Variants in NELL1 observed in about 807,000 individuals in gnomAD.
NELL1 encodes neural EGFL like 1, also known as protein kinase C-binding protein NELL1.
Under a neutral mutation model 107.4 loss-of-function variants are expected in NELL1, and 76 were observed. That is an observed-to-expected ratio of 0.71 (90% CI 0.59 to 0.86). The LOEUF is 0.86. NELL1 is among the 40% of genes least tolerant of loss of function. The pLI, the probability that NELL1 is intolerant of heterozygous loss-of-function variation, is 0.00. For missense variants in NELL1, 1,024 were observed against 1,005.5 expected (o/e 1.02, Z -0.25); for synonymous variants, 353 against 341.2 (o/e 1.03, Z -0.38).
At position 21,005,138 on chromosome 11, in the gene NELL1, T is replaced by C. The variant is rs190772304; in HGVS notation, c.1300+44578T>C. Among the ~76,000 whole-genome samples, 7 of 152,316 alleles carry C rather than the reference T, an allele frequency of 4.6e-5. No homozygotes were observed. In the East Asian group the frequency reaches 1.2e-3, roughly 25 times the overall value. ...CTGTAGGCATGTCATTCTTATCAAC[T>C]TGTGTTTCATTATTATATTTACCAA... On this transcript the variant is annotated intron_variant, in intron 12 of 19. Coordinates refer to ENST00000357134, the MANE Select transcript of NELL1 (RefSeq NM_006157.5).
chr11:21,396,280 C>A (rs1481598826), intron 15 of NELL1, among the ~76,000 whole-genome samples: 6 of 151,488 alleles, frequency 4.0e-5, no homozygotes, highest in Non-Finnish European at 8.9e-5. Flanking sequence ...CTGAATTCAC[C>A]CACATTTATA....
intron 13 of NELL1, among the ~76,000 whole-genome samples, chr11:21,124,324 T>A (rs1417722097): frequency 6.6e-6 from 1 of 152,208 alleles, no homozygotes; most frequent in Non-Finnish European, 1.5e-5. Flanking sequence ...AGGGATAATG[T>A]CTTTCATCTT....
intron 13 of NELL1, among the ~76,000 whole-genome samples, chr11:21,220,898 G>A (rs943385889): frequency 1.3e-5 from 2 of 152,046 alleles, no homozygotes; most frequent in Non-Finnish European, 2.9e-5. Context: ...AGAACTTTGA[G>A]TACTATGTTG....
chr11:21,466,411 C>T (rs575175088), intron 15 of NELL1, among the ~76,000 whole-genome samples: 3 of 152,236 alleles, frequency 2.0e-5, no homozygotes, highest in Non-Finnish European at 4.4e-5. Flanking sequence ...CAGTCTGTCA[C>T]TCCAACTCTT....
chr11:21,473,858 G>A (rs369951965), intron 15 of NELL1, among the ~76,000 whole-genome samples: 228 of 152,136 alleles, frequency 1.5e-3, no homozygotes, highest in Middle Eastern at 0.014. Flanking sequence ...CAAAATATCC[G>A]TTAAAATTTC....
At chr11:20,804,684 C>A (rs777269885) in intron 3 of NELL1, among the ~76,000 whole-genome samples, 53 of 152,250 alleles carry the variant, frequency 3.5e-4, no homozygotes, top group Non-Finnish European at 6.8e-4. Context: ...TGTTTTAAGA[C>A]TTGTTTTGTT....
chr11:21,224,967 C>A (rs981964205), intron 13 of NELL1, among the ~76,000 whole-genome samples: 2 of 152,108 alleles, frequency 1.3e-5, no homozygotes, highest in African/African-American at 4.8e-5. Context: ...ACTTCATTTG[C>A]TTTTGTGTGT....
intron 3 of NELL1, among the ~76,000 whole-genome samples, chr11:20,790,783 T>C (rs945873856): frequency 2.0e-5 from 3 of 152,184 alleles, no homozygotes; most frequent in Non-Finnish European, 2.9e-5. Context: ...GGGGAACTTC[T>C]ACCCCAACTT....
In NELL1 at chr11:20,743,285, G is replaced by T. The variant is rs1314498509; in HGVS notation, c.185-40395G>T. Among the ~76,000 whole-genome samples the T allele has an allele frequency of 2.6e-5, 4 of 151,780 alleles. No individual in the cohort carries two copies. In the East Asian group the frequency reaches 7.8e-4, roughly 29 times the overall value. ...GGGACAATCCTTGAACCCGGGGGGTGGTGGCTGCAGTGAGCCAAGATCGTG... is the reference window on the plus strand; with the variant it reads ...GGGACAATCCTTGAACCCGGGGGGTTGTGGCTGCAGTGAGCCAAGATCGTG... On this transcript the variant is annotated intron_variant, in intron 2 of 19. Transcript: ENST00000357134.
In NELL1 at chr11:20,970,939, C is replaced by T. The variant is rs185812447; in HGVS notation, c.1300+10379C>T. On this transcript the variant is annotated intron_variant, in intron 12 of 19. Coordinates refer to ENST00000357134, the MANE Select transcript of NELL1 (RefSeq NM_006157.5). ...ATCCTCAATGAAATAGTTGTTGTCT[C>T]GATGAATTTTCAAACATGGCTATGA... Among the ~76,000 whole-genome samples, 422 of 152,170 alleles carry T rather than the reference C, an allele frequency of 2.8e-3. 2 individuals are homozygous for T. Among genetic ancestry groups the T allele is most frequent in the African/African-American group, 9.6e-3 (399 of 41,538 alleles).
intron 2 of NELL1, among the ~76,000 whole-genome samples, chr11:20,734,592 C>T (rs1855719068): frequency 1.3e-5 from 2 of 152,056 alleles, no homozygotes; most frequent in Non-Finnish European, 2.9e-5. Flanking sequence ...ATCAAGACTG[C>T]ATTTGTGGTA....
intron 14 of NELL1, among the ~76,000 whole-genome samples, chr11:21,325,999 G>A (rs2133676206): frequency 7.2e-6 from 1 of 138,078 alleles, no homozygotes; most frequent in South Asian, 2.3e-4. Flanking sequence ...TTAATTATAT[G>A]AATAGACCCA....
chr11:20,945,876 AG>A (rs1418212739), intron 10 of NELL1, among the ~76,000 whole-genome samples: 1 of 152,176 alleles, frequency 6.6e-6, no homozygotes, highest in Non-Finnish European at 1.5e-5. Flanking sequence ...ATCGATTCTC[AG>A]GTCTTAGGGA....
intron 15 of NELL1, among the ~76,000 whole-genome samples, chr11:21,533,760 A>G (rs1042934760): frequency 1.3e-5 from 2 of 152,188 alleles, no homozygotes; most frequent in African/African-American, 4.8e-5. Context: ...AAATAGAACG[A>G]TAGTTCCCAA....
intron 4 of NELL1, among the ~76,000 whole-genome samples, chr11:20,849,138 C>A (rs1848751634): frequency 6.6e-6 from 1 of 152,174 alleles, no homozygotes. Flanking sequence ...CCACTGTGAC[C>A]TACCACCCAC....
At chr11:20,687,951 T>A (rs1360337502) in intron 2 of NELL1, among the ~76,000 whole-genome samples, 1 of 152,180 alleles carries the variant, frequency 6.6e-6, no homozygotes, top group Non-Finnish European at 1.5e-5. Flanking sequence ...TTGTTTTAAC[T>A]AAGTAGTCTG....
intron 12 of NELL1, among the ~76,000 whole-genome samples, chr11:21,056,297 T>C (rs1174086936): frequency 6.6e-6 from 1 of 152,208 alleles, no homozygotes; most frequent in East Asian, 1.9e-4. Flanking sequence ...GGCATTATGA[T>C]ATTGGCAAAC....
At chr11:21,210,717 A>C (rs1857480201) in intron 13 of NELL1, among the ~76,000 whole-genome samples, 1 of 152,202 alleles carries the variant, frequency 6.6e-6, no homozygotes, top group Non-Finnish European at 1.5e-5. Flanking sequence ...CTTCAAAGAA[A>C]GCCTCTGAAG....
In NELL1 at chr11:20,863,359, C is replaced by T. The variant is rs185651938; in HGVS notation, c.506+15606C>T. On this transcript the variant is annotated intron_variant, in intron 4 of 19. Transcript: ENST00000357134. ...CTCCCGGACGGGGCGGCTGGCCGGG[C>T]GGGGGCTGCCCCCCACCTCCCTCCT... Among the ~76,000 whole-genome samples the T allele has an allele frequency of 1.4e-4, 8 of 56,588 alleles. 1 individual carries two copies. Among genetic ancestry groups the T allele is most frequent in the East Asian group, 5.1e-4 (1 of 1,962 alleles). 37.1% of individuals were successfully genotyped at this position (56,588 alleles called of 152,430 possible). A position where few individuals can be genotyped will look rare whatever the true frequency, so the allele number is the denominator to read the frequency against.
Sources: allele counts gnomAD v4.1 joint callset (sites outside exome capture counted in the v4.1 genomes callset), GRCh38; gene constraint gnomAD v4.1.1; transcripts MANE v1.5; gene names NCBI Gene and HGNC (gene_info 2026-07-23, HGNC 2026-07-21).